The following TMPRSS15 variants were observed in gnomAD, a reference collection of about 807,000 sequenced individuals.
TMPRSS15 encodes the protein transmembrane serine protease 15.
A neutral mutation model predicts 125.3 loss-of-function variants in TMPRSS15; 128 were observed. The ratio of observed to expected loss-of-function variants is 1.02; its 90% CI spans 0.89 to 1.18. TMPRSS15 has a LOEUF of 1.18. Among genes scored for constraint, TMPRSS15 ranks in the 50% most tolerant of loss-of-function variants. The pLI, the probability that TMPRSS15 is intolerant of heterozygous loss-of-function variation, is 0.00. For synonymous variants in TMPRSS15, 446 were observed against 423.2 expected (o/e 1.05, Z -0.66); for missense variants, 1,283 against 1,212.7 (o/e 1.06, Z -0.86).
At chr21:18,314,784 G>C (rs1285129279) in intron 17 of TMPRSS15, among the ~76,000 whole-genome samples, 2 of 152,160 alleles carry the variant, frequency 1.3e-5, no homozygotes, top group Non-Finnish European at 1.5e-5. Flanking sequence ...TAAGCACACA[G>C]GTGCCTCTGA....
intron 22 of TMPRSS15, among the ~76,000 whole-genome samples, chr21:18,280,305 G>A (rs767062600): frequency 2.8e-4 from 43 of 152,138 alleles, no homozygotes; most frequent in African/African-American, 9.4e-4. Flanking sequence ...GGCCGGGCAC[G>A]GTGGCTCACG....
At chr21:18,285,796 C>T (rs2074755772) in intron 21 of TMPRSS15, among the ~76,000 whole-genome samples, 1 of 152,066 alleles carries the variant, frequency 6.6e-6, no homozygotes, top group Admixed American at 6.6e-5. Flanking sequence ...TTATGAAAGG[C>T]CATGTGTCTG....
At position 18,269,792 on chromosome 21, in the gene TMPRSS15, T is replaced by C. The variant is rs1001613823; in HGVS notation, c.*177A>G. 5 of 641,332 alleles carry C rather than the reference T, an allele frequency of 7.8e-6. No homozygotes were observed. In the Admixed American group the frequency reaches 1.2e-4, roughly 15 times the overall value. The allele number at this position is 641,332 out of a possible 1,614,324, so 39.7% of individuals were successfully genotyped here. ...TTAAAGTTATTCTGTATTGCTATGG[T>C]GAATTTTATTATTTTTAAAATTTTG... On this transcript the variant is annotated 3_prime_UTR_variant, in exon 25 of 25. Coordinates refer to ENST00000284885, the MANE Select transcript of TMPRSS15 (RefSeq NM_002772.3).
chr21:18,471,557 G>A (rs1055682484), intron 1 of TMPRSS15, among the ~76,000 whole-genome samples: 17 of 151,948 alleles, frequency 1.1e-4, no homozygotes, highest in African/African-American at 3.9e-4. Flanking sequence ...CAAACCTGCA[G>A]TGCAGAAATA....
chr21:18,338,740 A>AAGAGAG (rs57668525), intron 13 of TMPRSS15, among the ~76,000 whole-genome samples: 81 of 151,238 alleles, frequency 5.4e-4, no homozygotes, highest in African/African-American at 1.7e-3. Flanking sequence ...AAGAGAGAGA[A>AAGAGAG]AGAGAGAGAG....
At chr21:18,333,783 G>A (rs561726152) in intron 13 of TMPRSS15, among the ~76,000 whole-genome samples, 52 of 152,048 alleles carry the variant, frequency 3.4e-4, no homozygotes, top group African/African-American at 1.2e-3. Flanking sequence ...ACTTTAAGTA[G>A]GTAGATTAAC....
At chr21:18,319,929 A>G (rs2075217076) in intron 16 of TMPRSS15, among the ~76,000 whole-genome samples, 1 of 152,240 alleles carries the variant, frequency 6.6e-6, no homozygotes, top group South Asian at 2.1e-4. Context: ...TTACCTTAAC[A>G]AGAAAATATT....
chr21:18,297,110 A>G (rs959557524), intron 19 of TMPRSS15, among the ~76,000 whole-genome samples: 4 of 152,224 alleles, frequency 2.6e-5, no homozygotes, highest in African/African-American at 9.6e-5. Context: ...ATTACCATTA[A>G]TACCCAAATA....
intron 19 of TMPRSS15, among the ~76,000 whole-genome samples, chr21:18,296,510 A>T (rs1174736663): frequency 6.6e-6 from 1 of 152,068 alleles, no homozygotes; most frequent in Non-Finnish European, 1.5e-5. Context: ...TAGCACACAC[A>T]TACATTATAA....
intron 8 of TMPRSS15, 92 bp from the exon 9 acceptor site, chr21:18,353,955 G>C: frequency 8.1e-7 from 1 of 1,234,282 alleles, no homozygotes; most frequent in Non-Finnish European, 1.2e-6. Context: ...CTATCAGTTT[G>C]TCAGTTGATC....
At position 18,372,187 on chromosome 21, in the gene TMPRSS15, A is replaced by G. The variant is rs1288677526; in HGVS notation, c.664+6T>C. On this transcript the variant is annotated splice_donor_region_variant and intron_variant, in intron 6 of 24. Coordinates refer to ENST00000284885, the MANE Select transcript of TMPRSS15 (RefSeq NM_002772.3). ...AGAAGGGGAGAGAGTAGGGGGGAGAACTTACCACACATTTTATTGTCTTCG... is the reference window on the plus strand; with the variant it reads ...AGAAGGGGAGAGAGTAGGGGGGAGAGCTTACCACACATTTTATTGTCTTCG... 1.3e-6 allele frequency: 2 copies of G among 1,599,226 alleles called. No individual in the cohort carries two copies. The highest frequency in any genetic ancestry group is 1.7e-6 in the Non-Finnish European group (2 of 1,172,012).
At chr21:18,445,408 TG>T (rs1569070464) in intron 1 of TMPRSS15, among the ~76,000 whole-genome samples, 1 of 152,138 alleles carries the variant, frequency 6.6e-6, no homozygotes, top group Non-Finnish European at 1.5e-5. Context: ...CTCAAACTCC[TG>T]ACTTCAAGTG....
chr21:18,299,783 T>C (rs1459347733), intron 18 of TMPRSS15, among the ~76,000 whole-genome samples: 1 of 152,124 alleles, frequency 6.6e-6, no homozygotes, highest in East Asian at 1.9e-4. Context: ...GGAGAGAACA[T>C]AGGTCCAAAG....
intron 21 of TMPRSS15, among the ~76,000 whole-genome samples, chr21:18,288,600 G>C (rs2074795130): frequency 6.9e-6 from 1 of 144,686 alleles, no homozygotes; most frequent in Non-Finnish European, 1.5e-5. Context: ...GAGTGCAGTG[G>C]TGCGATCTCG....
chr21:18,309,634 T>C (rs2075075644), intron 18 of TMPRSS15, among the ~76,000 whole-genome samples: 1 of 151,996 alleles, frequency 6.6e-6, no homozygotes, highest in African/African-American at 2.4e-5. Flanking sequence ...GAACAGACAA[T>C]TCTCAAAAGA....
At chr21:18,333,024 A>G (rs2075359728) in intron 13 of TMPRSS15, among the ~76,000 whole-genome samples, 2 of 152,322 alleles carry the variant, frequency 1.3e-5, no homozygotes, top group South Asian at 4.1e-4. Context: ...GTTCTCACTT[A>G]TAAGTGAAAG....
chr21:18,475,166 A>G (rs1163408223), intron 1 of TMPRSS15, among the ~76,000 whole-genome samples: 1 of 152,148 alleles, frequency 6.6e-6, no homozygotes, highest in Non-Finnish European at 1.5e-5. Flanking sequence ...TCGATTTTTT[A>G]TTTGACTTCA....
At chr21:18,323,418 A>G in intron 16 of TMPRSS15, among the ~76,000 whole-genome samples, 1 of 152,120 alleles carries the variant, frequency 6.6e-6, no homozygotes, top group African/African-American at 2.4e-5. Context: ...CTTTTTATAA[A>G]ACCATCAGAT....
intron 1 of TMPRSS15, among the ~76,000 whole-genome samples, chr21:18,419,895 T>C (rs2076188594): frequency 6.6e-6 from 1 of 152,208 alleles, no homozygotes; most frequent in African/African-American, 2.4e-5. Flanking sequence ...GATACAATTG[T>C]TCTGTCAACA....
Sources: gnomAD v4.1 joint callset for allele counts (sites outside exome capture counted in the v4.1 genomes callset) on GRCh38, gnomAD v4.1.1 for gene constraint, MANE v1.5 for transcripts, NCBI Gene and HGNC (gene_info 2026-07-23, HGNC 2026-07-21) for gene names.